PDE4D: variants seen among roughly 807,000 people sequenced by gnomAD.
The protein encoded by PDE4D is phosphodiesterase 4D.
In PDE4D, 24 loss-of-function variants were observed where a neutral mutation model predicts 87.4. That is an observed-to-expected ratio of 0.27 (90% confidence interval 0.20 to 0.39). The LOEUF (loss-of-function observed/expected upper bound fraction) is 0.39, where lower values mean the gene tolerates loss of function less well. Among genes scored for constraint, PDE4D ranks in the 10% least tolerant of loss-of-function variants. The pLI is 1.00. For missense variants in PDE4D, 714 were observed against 1,041.0 expected, an observed-to-expected ratio of 0.69 and a Z score of 4.32; for synonymous variants, 384 against 383.2, an observed-to-expected ratio of 1.00 and a Z score of -0.02.
intron 1 of PDE4D, among the ~76,000 whole-genome samples, chr5:59,480,370 T>C (rs999242460): frequency 3.3e-5 from 5 of 152,164 alleles, no homozygotes; most frequent in Non-Finnish European, 5.9e-5. Flanking sequence ...AAGAAGATCA[T>C]ATTACAATGA....
intron 2 of PDE4D, among the ~76,000 whole-genome samples, chr5:60,083,573 A>C (rs1390126474): frequency 6.6e-6 from 1 of 152,242 alleles, no homozygotes; most frequent in Admixed American, 6.5e-5. Flanking sequence ...ACAGTATGGA[A>C]GATAGAGAAG....
chr5:59,390,260 A>C (rs1787973066), intron 1 of PDE4D, among the ~76,000 whole-genome samples: 1 of 152,136 alleles, frequency 6.6e-6, no homozygotes, highest in African/African-American at 2.4e-5. Flanking sequence ...GGCGCTCTCT[A>C]ATTTTGGATA....
intron 1 of PDE4D, among the ~76,000 whole-genome samples, chr5:59,313,728 C>T (rs1285360209): frequency 6.6e-6 from 1 of 152,124 alleles, no homozygotes; most frequent in Non-Finnish European, 1.5e-5. Context: ...ACAGAGAGTA[C>T]TGCTGGCTCC....
At chr5:59,503,428 C>G (rs1385542526) in intron 1 of PDE4D, among the ~76,000 whole-genome samples, 1 of 152,142 alleles carries the variant, frequency 6.6e-6, no homozygotes, top group Non-Finnish European at 1.5e-5. Flanking sequence ...CAAGAATACA[C>G]AGTACAGTGG....
chr5:60,471,108 A>G (rs1002938145), intron 1 of PDE4D, among the ~76,000 whole-genome samples: 1 of 152,188 alleles, frequency 6.6e-6, no homozygotes, highest in African/African-American at 2.4e-5. Context: ...CCAAAATGCC[A>G]ATATTAACAG....
chr5:59,800,900 T>C (rs1008568831), intron 1 of PDE4D, among the ~76,000 whole-genome samples: 2 of 152,256 alleles, frequency 1.3e-5, no homozygotes, highest in African/African-American at 4.8e-5. Flanking sequence ...AAATGTGCCA[T>C]ACAAAATTGC....
At chr5:59,979,494 T>C (rs960354306) in intron 3 of PDE4D, among the ~76,000 whole-genome samples, 2 of 151,076 alleles carry the variant, frequency 1.3e-5, no homozygotes, top group Admixed American at 1.3e-4. Context: ...TACGTCATGG[T>C]AAAATTCAGA....
intron 1 of PDE4D, among the ~76,000 whole-genome samples, chr5:59,484,665 A>G (rs936276492): frequency 6.6e-6 from 1 of 152,148 alleles, no homozygotes; most frequent in African/African-American, 2.4e-5. Context: ...TGTGATACCG[A>G]TTTTAATCTC....
chr5:60,384,193 G>T (rs1022310147), intron 1 of PDE4D, among the ~76,000 whole-genome samples: 5 of 152,092 alleles, frequency 3.3e-5, no homozygotes, highest in Non-Finnish European at 5.9e-5. Flanking sequence ...TACCTAATTA[G>T]GTGAACAAAC....
rs1743275783 is a variant in PDE4D at position 58,974,709 on chromosome 5, GCTTTCCTCTTCTT to G, written c.2372_2384del (p.Glu791AlafsTer8). ...CATCTATGACACAGGCTTCAGGCTG[GCTTTCCTCTTCTT>G]CCCCTACTGCCTCCTCTTCAACCTG... On this transcript the variant is annotated frameshift_variant, in exon 15 of 15. Transcript: ENST00000340635. LOFTEE classifies it high-confidence loss of function. 2 of 1,611,074 alleles carry G rather than the reference GCTTTCCTCTTCTT, an allele frequency of 1.2e-6. No individual in the cohort carries two copies. The highest frequency in any genetic ancestry group is 4.5e-5 in the East Asian group (2 of 44,832).
chr5:59,147,393 AT>A (rs1209008556), intron 5 of PDE4D, among the ~76,000 whole-genome samples: 2 of 152,102 alleles, frequency 1.3e-5, no homozygotes, highest in East Asian at 1.9e-4. Context: ...AAATTGGAAG[AT>A]TTTTTTTAAA....
chr5:59,661,762 T>C (rs1457886887), intron 1 of PDE4D, among the ~76,000 whole-genome samples: 1 of 152,190 alleles, frequency 6.6e-6, no homozygotes, highest in African/African-American at 2.4e-5. Flanking sequence ...AAAATCAGGT[T>C]AAAATAAACT....
chr5:59,520,465 A>G (rs1286694794), intron 1 of PDE4D, among the ~76,000 whole-genome samples: 1 of 152,188 alleles, frequency 6.6e-6, no homozygotes, highest in Admixed American at 6.5e-5. Flanking sequence ...AGAGGAAAGA[A>G]GGCTCACAGT....
intron 3 of PDE4D, among the ~76,000 whole-genome samples, chr5:59,978,418 G>A (rs1248932515): frequency 3.9e-5 from 6 of 152,144 alleles, no homozygotes; most frequent in African/African-American, 1.2e-4. Context: ...CAGATGTGCT[G>A]GAAATTGCAA....
intron 1 of PDE4D, among the ~76,000 whole-genome samples, chr5:59,487,384 G>GT (rs769011710): frequency 2.0e-5 from 3 of 152,018 alleles, no homozygotes; most frequent in Non-Finnish European, 4.4e-5. Context: ...GGTTTTTTTC[G>GT]TGTTCAGTTA....
At chr5:60,373,915 A>G (rs1198482049) in intron 1 of PDE4D, among the ~76,000 whole-genome samples, 1 of 152,084 alleles carries the variant, frequency 6.6e-6, no homozygotes, top group African/African-American at 2.4e-5. Flanking sequence ...TCATTCTTCC[A>G]TCTTGAGGAC....
chr5:59,377,530 G>A (rs1469939343), intron 1 of PDE4D, among the ~76,000 whole-genome samples: 1 of 151,898 alleles, frequency 6.6e-6, no homozygotes, highest in Non-Finnish European at 1.5e-5. Context: ...AGGAAAGGAA[G>A]CTGTCAACAG....
At chr5:59,811,814 A>C (rs1223649850) in intron 1 of PDE4D, among the ~76,000 whole-genome samples, 3 of 152,196 alleles carry the variant, frequency 2.0e-5, no homozygotes, top group Non-Finnish European at 2.9e-5. Context: ...CATATGTAAA[A>C]ACGTGGTGAT....
chr5:60,512,216 A>C (rs981830522), intron 1 of PDE4D, among the ~76,000 whole-genome samples: 1 of 152,192 alleles, frequency 6.6e-6, no homozygotes, highest in African/African-American at 2.4e-5. Flanking sequence ...AGTTCAAGCA[A>C]AATATATGCA....
Sources: gnomAD v4.1 joint callset for allele counts (sites outside exome capture counted in the v4.1 genomes callset) on GRCh38, gnomAD v4.1.1 for gene constraint, MANE v1.5 for transcripts, NCBI Gene and HGNC (gene_info 2026-07-23, HGNC 2026-07-21) for gene names.